The following MDC1 variants were observed in gnomAD, a reference collection of about 807,000 sequenced individuals.
MDC1 encodes mediator of DNA damage checkpoint 1.
MDC1 carries 81 observed loss-of-function variants against 142.5 expected under a neutral mutation model. That is an observed-to-expected ratio of 0.57 (90% CI 0.47 to 0.68). MDC1 has a LOEUF of 0.68. Among genes scored for constraint, MDC1 ranks in the 30% least tolerant of loss-of-function variants. The probability of loss-of-function intolerance (pLI) is 0.00; values close to 1 mark genes in which losing one functional copy is unlikely to be tolerated. For synonymous variants in MDC1, 797 were observed against 968.4 expected (o/e 0.82, Z 3.29); for missense variants, 2,119 against 2,547.9 (o/e 0.83, Z 3.62).
rs760820577 is a variant in MDC1 at position 30,703,249 on chromosome 6, C to A, written c.5720G>T (p.Arg1907Leu). The A allele has an allele frequency of 6.2e-7, 1 of 1,612,796 alleles. No homozygotes were observed. The highest frequency in any genetic ancestry group is 8.5e-7 in the Non-Finnish European group (1 of 1,179,922). The change falls in exon 12 of 15, where the codon CGG (arginine) becomes CTG (leucine). Residue 1907 changes from arginine to leucine, a missense_variant. Arg to Leu is a moderately radical substitution (Grantham distance 102). Transcript: ENST00000376406. The surrounding 1 kb of genome is among the most constrained non-coding windows in gnomAD (Gnocchi z 4.4). ...FTGVVDARGE[R>L]AVLALGGSLA... is the part of the protein sequence containing the mutation. Reference sequence around the variant, plus strand: ...ACTTCCCCCCAGTGCCAGCACAGCCCGCTCTCCCCGAGCATCCACCACTCC... The same window carrying A: ...ACTTCCCCCCAGTGCCAGCACAGCCAGCTCTCCCCGAGCATCCACCACTCC...
At chr6:30,710,728 T>C (rs1448730669) in intron 7 of MDC1, among the ~76,000 whole-genome samples, 2 of 152,212 alleles carry the variant, frequency 1.3e-5, no homozygotes, top group Non-Finnish European at 2.9e-5. Context: ...CATTCATCTG[T>C]TGATGGACAT....
chr6:30,703,342 T>G lies in MDC1; in HGVS notation c.5683-56A>C, dbSNP rs924214918. On this transcript the variant is annotated intron_variant, in intron 11 of 14. Coordinates refer to ENST00000376406, the MANE Select transcript of MDC1 (RefSeq NM_014641.3). This position sits in a 1 kb window ranked among gnomAD's most constrained non-coding sequence, Gnocchi z 4.4. The stretch of plus-strand genomic sequence containing the variant: ...GCAACCCATGCCATCAGCACCCATC[T>G]CTACAATCCTCTAGGTCTCCTTGCA... The G allele has an allele frequency of 6.2e-7, 1 of 1,611,360 alleles. No homozygotes were observed. Among genetic ancestry groups the G allele is most frequent in the Non-Finnish European group, 8.5e-7 (1 of 1,178,550 alleles).
chr6:30,709,748 G>A lies in MDC1; in HGVS notation c.2222-1391C>T, dbSNP rs1457178405. On this transcript the variant is annotated intron_variant, in intron 7 of 14. Transcript: ENST00000376406. The surrounding 1 kb of genome is among the most constrained non-coding windows in gnomAD (Gnocchi z 4.2). ...CCATGTTTTTAGCTCCCACATGAGT[G>A]AGCATACAATATTTGCCTTTCTGTG... Among the ~76,000 whole-genome samples the A allele has an allele frequency of 1.3e-5, 2 of 152,120 alleles. No individual in the cohort carries two copies. The highest frequency in any genetic ancestry group is 4.8e-5 in the African/African-American group (2 of 41,422).
intron 14 of MDC1, among the ~76,000 whole-genome samples, chr6:30,701,080 A>G (rs1447530318): frequency 7.5e-6 from 1 of 133,196 alleles, no homozygotes; most frequent in African/African-American, 3.1e-5. Context: ...ATCTCAAAAG[A>G]AAAAAAAAAA....
chr6:30,712,893 C>T lies in MDC1; in HGVS notation c.1049G>A (p.Arg350Lys). The T allele has an allele frequency of 6.2e-7, 1 of 1,613,068 alleles. No individual in the cohort carries two copies. Among genetic ancestry groups the T allele is most frequent in the Non-Finnish European group, 8.5e-7 (1 of 1,180,040 alleles). Residue 350 changes from arginine to lysine, a missense_variant, in exon 5 of 15, where the codon AGG becomes AAG. Transcript: ENST00000376406. The surrounding 1 kb of genome is among the most constrained non-coding windows in gnomAD (Gnocchi z 4.7). ...TGTACCTACTCCATGGAAGATCTTC[C>T]TCTTCTTCATAGGAATGACAACTGG... ...ATPVVIPMKK[R>K]KIFHGVGTRG... is the part of the protein sequence containing the mutation.
Position 30,713,848 on chromosome 6 carries a change from G to A in MDC1, c.472C>T (p.Gln158Ter), listed in dbSNP as rs1775280607. 1.9e-6 allele frequency: 3 copies of A among 1,614,056 alleles called. No individual in the cohort carries two copies. Among genetic ancestry groups the A allele is most frequent in the African/African-American group, 1.3e-5 (1 of 74,936 alleles). The change falls in exon 3 of 15, where the codon CAA (glutamine) becomes TAA (stop). Residue 158 changes from glutamine to a stop codon, truncating the protein, a stop_gained. Coordinates refer to ENST00000376406, the MANE Select transcript of MDC1 (RefSeq NM_014641.3). LOFTEE classifies it high-confidence loss of function. This position sits in a 1 kb window ranked among gnomAD's most constrained non-coding sequence, Gnocchi z 4.9. Reference sequence around the variant, plus strand: ...TCAGCCAACAGAAGCCTCTGGGGTTGAGTTTCTCCCTGTACTCTGGGTGTC... The same window carrying A: ...TCAGCCAACAGAAGCCTCTGGGGTTAAGTTTCTCCCTGTACTCTGGGTGTC... Reference protein sequence around the residue: ...EETPRVQGETQPQRLLLAEDS... With the variant: ...EETPRVQGET
rs373993459 is a variant in MDC1 at position 30,704,707 on chromosome 6, T to G, written c.4476A>C (p.Thr1492=). ...SVKTPETVVP[T]APELQASAST... ...AGGCGGAAGCCTGTAGCTCAGGGGC[T>G]GTGGGGACAACTGTTTCAGGAGTCT... is the stretch of plus-strand genomic sequence containing the variant. The change falls in exon 10 of 15, where the codon ACA becomes ACC. Residue 1492 remains threonine (T), a synonymous_variant. Transcript: ENST00000376406. The G allele has an allele frequency of 6.2e-7, 1 of 1,612,124 alleles. No homozygotes were observed.
chr6:30,715,230 G>A lies in MDC1; in HGVS notation c.-3-52C>T. ...TCCTCATTATTGGTTCACACAAACA[G>A]CATCAGAGTTATCAGACTGAAAACT... On this transcript the variant is annotated intron_variant, in intron 1 of 14. Transcript: ENST00000376406. This position sits in a 1 kb window ranked among gnomAD's most constrained non-coding sequence, Gnocchi z 4.1. The A allele has an allele frequency of 6.2e-7, 1 of 1,602,804 alleles. No homozygotes were observed. The highest frequency in any genetic ancestry group is 8.5e-7 in the Non-Finnish European group (1 of 1,170,124).
intron 2 of MDC1, 24 bp from the exon 3 acceptor site, chr6:30,714,207 G>T: frequency 6.3e-7 from 1 of 1,588,312 alleles, no homozygotes. Flanking sequence ...AGGTAGATAA[G>T]CTCCAAGATC....
chr6:30,708,191 G>A lies in MDC1; in HGVS notation c.2388C>T (p.His796=), dbSNP rs146182208. Residue 796 remains histidine (H), a synonymous_variant, in exon 8 of 15, where the codon CAC becomes CAT. Transcript: ENST00000376406. ...TGCCTTGAATCCCCATTGGCTCTGT[G>A]TGAACTGGGCTCTCTGGATGTTGGT... ...PGDQHPESPV[H]TEPMGIQGRG... 6.0e-5 allele frequency: 97 copies of A among 1,613,162 alleles called. 1 individual carries two copies. The African/African-American group carries it at 1.2e-3, about 20-fold the overall frequency.
intron 7 of MDC1, among the ~76,000 whole-genome samples, chr6:30,710,905 A>C (rs1372345048): frequency 6.6e-6 from 1 of 151,974 alleles, no homozygotes; most frequent in African/African-American, 2.4e-5. Context: ...ACAGGTGCTC[A>C]CTACTATGCT....
In MDC1 at chr6:30,703,423, G is replaced by A; in HGVS notation, c.5677C>T (p.Pro1893Ser). Reference sequence around the variant, plus strand: ...CCCATGCCTTTGTCTCTTACTTTGGGGGCTGTTGATTCTTGGTTAAGTTTG... The same window carrying A: ...CCCATGCCTTTGTCTCTTACTTTGGAGGCTGTTGATTCTTGGTTAAGTTTG... ...RTKLNQESTAPKVLFTGVVDA... is the reference protein window; with the variant it reads ...RTKLNQESTASKVLFTGVVDA... Residue 1893 changes from proline (P) to serine (S), a missense_variant, in exon 11 of 15, where the codon CCC becomes TCC. By Grantham distance (74) the Pro-to-Ser change is moderately conservative (BLOSUM62 -1). Coordinates refer to ENST00000376406, the MANE Select transcript of MDC1 (RefSeq NM_014641.3). This position sits in a 1 kb window ranked among gnomAD's most constrained non-coding sequence, Gnocchi z 4.4. 1 of 1,613,788 alleles carries A rather than the reference G, an allele frequency of 6.2e-7. No homozygotes were observed. The highest frequency in any genetic ancestry group is 8.5e-7 in the Non-Finnish European group (1 of 1,180,032).
At position 30,708,157 on chromosome 6, in the gene MDC1, G is replaced by C. The variant is rs1379187972; in HGVS notation, c.2422C>G (p.Gln808Glu). Reference protein sequence around the residue: ...EPMGIQGRGRQTVDKVMGIPK... With the variant: ...EPMGIQGRGRETVDKVMGIPK... The stretch of plus-strand genomic sequence containing the variant: ...ATACCCATGACTTTATCCACAGTCT[G>C]CCTCCCTCTGCCTTGAATCCCCATT... Residue 808 changes from glutamine (Q) to glutamate (E), a missense_variant, in exon 8 of 15, where the codon CAG (glutamine) becomes GAG (glutamate). Transcript: ENST00000376406. 1 of 1,613,096 alleles carries C rather than the reference G, an allele frequency of 6.2e-7. No individual in the cohort carries two copies. The highest frequency in any genetic ancestry group is 8.5e-7 in the Non-Finnish European group (1 of 1,180,024).
chr6:30,714,389 C>T (rs1230713976), intron 2 of MDC1, among the ~76,000 whole-genome samples: 2 of 152,164 alleles, frequency 1.3e-5, no homozygotes, highest in African/African-American at 4.8e-5. Context: ...ATAAAATACA[C>T]ATAACACAAA....
At chr6:30,711,079 C>T (rs1187322452) in intron 7 of MDC1, among the ~76,000 whole-genome samples, 1 of 152,146 alleles carries the variant, frequency 6.6e-6, no homozygotes, top group Non-Finnish European at 1.5e-5. Context: ...GAAGGCAAAT[C>T]AAGAAAGAAC....
At position 30,709,490 on chromosome 6, in the gene MDC1, C is replaced by T. The variant is rs1358719045; in HGVS notation, c.2222-1133G>A. ...CCAAGATAATTGGGATATCCACTAT[C>T]TCAAACATTTATCATTTCTTTGTCT... On this transcript the variant is annotated intron_variant, in intron 7 of 14. Coordinates refer to ENST00000376406, the MANE Select transcript of MDC1 (RefSeq NM_014641.3). This position sits in a 1 kb window ranked among gnomAD's most constrained non-coding sequence, Gnocchi z 4.2. Among the ~76,000 whole-genome samples, 2 of 152,222 alleles carry T rather than the reference C, an allele frequency of 1.3e-5. No homozygotes were observed. Among genetic ancestry groups the T allele is most frequent in the African/African-American group, 4.8e-5 (2 of 41,456 alleles).
chr6:30,707,372 A>G lies in MDC1; in HGVS notation c.3084+12T>C. On this transcript the variant is annotated intron_variant, in intron 9 of 14. Transcript: ENST00000376406. ...GACTTGTGGAATAGGAGGTAGAAAA[A>G]GTAGCTCTCACCCTGGAAACCTTCT... 1 of 1,612,934 alleles carries G rather than the reference A, an allele frequency of 6.2e-7. No homozygotes were observed. Among genetic ancestry groups the G allele is most frequent in the Non-Finnish European group, 8.5e-7 (1 of 1,179,846 alleles).
At position 30,711,892 on chromosome 6, in the gene MDC1, A is replaced by C; in HGVS notation, c.2050T>G (p.Ser684Ala). ...REQHVGGTKD[S>A]EDNYGDSEDL... ...CACTTACCACCATAGTTGTCTTCAG[A>C]GTCCTTGGTCCCACCCACATGTTGT... The change falls in exon 5 of 15, where the codon TCT (serine) becomes GCT (alanine). Residue 684 changes from serine (S) to alanine (A), a missense_variant. Ser to Ala is a moderately conservative substitution (Grantham distance 99, BLOSUM62 1). Coordinates refer to ENST00000376406, the MANE Select transcript of MDC1 (RefSeq NM_014641.3). 2.0e-6 allele frequency: 3 copies of C among 1,531,092 alleles called. No individual in the cohort carries two copies. The highest frequency in any genetic ancestry group is 2.6e-6 in the Non-Finnish European group (3 of 1,140,720). 94.8% of individuals were successfully genotyped at this position (1,531,092 alleles called of 1,614,324 possible). A position where few individuals can be genotyped will look rare whatever the true frequency, so the allele number is the denominator to read the frequency against.
At chr6:30,717,045 G>T in intron 1 of MDC1, 200 bp downstream of exon 1, 1 of 334,534 alleles carries the variant, frequency 3.0e-6, no homozygotes, top group Non-Finnish European at 4.3e-6. Flanking sequence ...CACCTCAGTG[G>T]GTTCCCTTGT....
Sources: allele counts gnomAD v4.1 joint callset (sites outside exome capture counted in the v4.1 genomes callset), GRCh38; gene constraint gnomAD v4.1.1; non-coding constraint Gnocchi (gnomAD v3.1); transcripts MANE v1.5; gene names NCBI Gene and HGNC (gene_info 2026-07-23, HGNC 2026-07-21).